SSUH2: variants seen among roughly 807,000 people sequenced by gnomAD.
SSUH2 encodes protein SSUH2 homolog.
In SSUH2, 47 loss-of-function variants were observed where a neutral mutation model predicts 55.3. The observed-to-expected ratio is 0.85, with a 90% CI of 0.67 to 1.08. The LOEUF is 1.08. Among genes scored for constraint, SSUH2 ranks in the 50% least tolerant of loss-of-function variants. The pLI, the probability that SSUH2 is intolerant of heterozygous loss-of-function variation, is 0.00. For missense variants in SSUH2, 535 were observed against 490.7 expected (o/e 1.09, Z -0.85); for synonymous variants, 212 against 191.5 (o/e 1.11, Z -0.89).
intron 6 of SSUH2, chr3:8,659,617 G>A (rs889898988): frequency 1.5e-4 from 51 of 330,554 alleles, no homozygotes; most frequent in South Asian, 1.1e-3. Context: ...GAGGCCGGGG[G>A]CTGCCCGTGC....
rs920740039 is a variant in SSUH2 at position 8,626,329 on chromosome 3, A to C, written c.675-8T>G. On this transcript the variant is annotated splice_region_variant and splice_polypyrimidine_tract_variant and intron_variant, in intron 8 of 11. Coordinates refer to ENST00000544814, the MANE Select transcript of SSUH2 (RefSeq NM_001256748.3). ...CCTGAGCAAGTGCTGCATCTGAGAA[A>C]GGCACAGAGTCCGTACCCCCAGATC... is the stretch of plus-strand genomic sequence containing the variant. 1.2e-6 allele frequency: 2 copies of C among 1,612,546 alleles called. No homozygotes were observed. The highest frequency in any genetic ancestry group is 2.7e-5 in the African/African-American group (2 of 74,906).
chr3:8,664,978 T>C (rs1703858015), intron 5 of SSUH2, among the ~76,000 whole-genome samples: 1 of 152,180 alleles, frequency 6.6e-6, no homozygotes, highest in Admixed American at 6.5e-5. Context: ...TGCAGACCCC[T>C]CCCTTAAAAA....
At chr3:8,675,803 G>T (rs1705186915) in intron 3 of SSUH2, among the ~76,000 whole-genome samples, 1 of 152,110 alleles carries the variant, frequency 6.6e-6, no homozygotes, top group Admixed American at 6.5e-5. Context: ...TCAGTTAAAG[G>T]AAAAACTTCT....
chr3:8,634,324 A>C, intron 3 of SSUH2: 2 of 1,197,884 alleles, frequency 1.7e-6, no homozygotes, highest in Non-Finnish European at 1.1e-6. Flanking sequence ...CAGGGACCCT[A>C]ACCTCGGCCC....
At chr3:8,676,063 G>A (rs545774774) in intron 3 of SSUH2, among the ~76,000 whole-genome samples, 115 of 152,138 alleles carry the variant, frequency 7.6e-4, no homozygotes, top group African/African-American at 2.6e-3. Flanking sequence ...GAACATAAAG[G>A]CCCCCCATGC....
chr3:8,667,568 G>A (rs530270379), intron 5 of SSUH2, among the ~76,000 whole-genome samples: 1 of 152,280 alleles, frequency 6.6e-6, no homozygotes, highest in East Asian at 1.9e-4. Flanking sequence ...ACCTGGGCAG[G>A]CCACCCTCCA....
chr3:8,633,995 C>A, intron 3 of SSUH2, 200 bp from the exon 4 acceptor site: 2 of 1,583,086 alleles, frequency 1.3e-6, no homozygotes, highest in South Asian at 2.3e-5. Context: ...GGCAGGTTTT[C>A]CTAGAGAACA....
chr3:8,636,831 C>T (rs917539576), intron 1 of SSUH2, among the ~76,000 whole-genome samples: 2 of 152,192 alleles, frequency 1.3e-5, no homozygotes, highest in South Asian at 2.1e-4. Context: ...AACTGGTACA[C>T]TAACGCCTTC....
intron 5 of SSUH2, among the ~76,000 whole-genome samples, chr3:8,665,646 C>T (rs977674140): frequency 6.6e-6 from 1 of 152,144 alleles, no homozygotes; most frequent in Non-Finnish European, 1.5e-5. Context: ...AAGTCCCCCC[C>T]GTTCACCAAC....
At chr3:8,649,305 T>C (rs1279109765), upstream of SSUH2, among the ~76,000 whole-genome samples, 2 of 152,146 alleles carry the variant, frequency 1.3e-5, no homozygotes, top group African/African-American at 2.4e-5. Flanking sequence ...GGAATTGCAT[T>C]TCTCCTCATT....
chr3:8,669,148 CA>C (rs1471119979), intron 5 of SSUH2, among the ~76,000 whole-genome samples: 3 of 152,114 alleles, frequency 2.0e-5, no homozygotes, highest in Non-Finnish European at 4.4e-5. Flanking sequence ...CGGTGGACAA[CA>C]ATTTTAATTA....
intron 5 of SSUH2, among the ~76,000 whole-genome samples, chr3:8,665,231 G>T (rs1179916601): frequency 6.6e-6 from 1 of 152,152 alleles, no homozygotes; most frequent in Non-Finnish European, 1.5e-5. Flanking sequence ...ATGGATGAAA[G>T]AAATGAATTG....
intron 5 of SSUH2, 112 bp from the exon 6 acceptor site, chr3:8,631,041 C>A: frequency 3.5e-6 from 4 of 1,147,040 alleles, no homozygotes; most frequent in Non-Finnish European, 4.5e-6. Context: ...GAGTCTAGAT[C>A]CTGGGGCTAC....
chr3:8,670,148 C>G (rs568159824), intron 5 of SSUH2, among the ~76,000 whole-genome samples: 3 of 152,206 alleles, frequency 2.0e-5, no homozygotes, highest in Admixed American at 6.5e-5. Context: ...CCCTTGGCAG[C>G]TCGTTTATGA....
At chr3:8,633,299 A>G (rs1699215701) in intron 4 of SSUH2, among the ~76,000 whole-genome samples, 1 of 151,668 alleles carries the variant, frequency 6.6e-6, no homozygotes, top group Non-Finnish European at 1.5e-5. Context: ...ACCCACCACC[A>G]CGCCCGGCTA....
chr3:8,662,916 T>A (rs1370442425), intron 6 of SSUH2, among the ~76,000 whole-genome samples: 1 of 152,232 alleles, frequency 6.6e-6, no homozygotes, highest in African/African-American at 2.4e-5. Flanking sequence ...ATGAAGCATT[T>A]TGGAATTTTT....
chr3:8,633,344 A>G (rs557080908), intron 4 of SSUH2, among the ~76,000 whole-genome samples: 6 of 152,120 alleles, frequency 3.9e-5, no homozygotes, highest in Admixed American at 6.5e-5. Context: ...GGGTTTCACC[A>G]TGTTAGTCAG....
chr3:8,663,700 C>T (rs113544599), intron 6 of SSUH2: 4,860 of 408,012 alleles, frequency 0.012, 49 homozygotes, highest in Non-Finnish European at 0.017. Context: ...TCAGCCTCCC[C>T]CATCCAAAGC....
chr3:8,632,157 C>A (rs1167737148), intron 4 of SSUH2, 48 bp from the exon 5 acceptor site: 35 of 1,515,926 alleles, frequency 2.3e-5, no homozygotes, highest in Non-Finnish European at 3.2e-5. Flanking sequence ...CTTATGAAGA[C>A]AGAGCATTAT....
Sources: gnomAD v4.1 joint callset for allele counts (sites outside exome capture counted in the v4.1 genomes callset) on GRCh38, gnomAD v4.1.1 for gene constraint, MANE v1.5 for transcripts, NCBI Gene and HGNC (gene_info 2026-07-23, HGNC 2026-07-21) for gene names.